C6: variants seen among roughly 807,000 people sequenced by gnomAD.
C6 encodes complement component C6.
Under a neutral mutation model 112.9 loss-of-function variants are expected in C6, and 101 were observed. The ratio of observed to expected loss-of-function variants is 0.89; its 90% CI spans 0.76 to 1.06. The LOEUF (loss-of-function observed/expected upper bound fraction) is 1.06. Ranked by LOEUF, C6 falls within the 50% of genes least tolerant of loss-of-function variation. C6 has a pLI of 0.00. For missense variants in C6, 1,202 were observed against 1,104.6 expected (o/e 1.09, Z -1.25); for synonymous variants, 431 against 384.1 (o/e 1.12, Z -1.43).
intron 17 of C6, among the ~76,000 whole-genome samples, chr5:41,147,114 T>A (rs1228563027): frequency 6.6e-6 from 1 of 152,200 alleles, no homozygotes. Flanking sequence ...ACAATAATGT[T>A]CTTATACTAC....
At chr5:41,232,422 T>A (rs1739962958) in intron 1 of C6, among the ~76,000 whole-genome samples, 1 of 152,112 alleles carries the variant, frequency 6.6e-6, no homozygotes, top group South Asian at 2.1e-4. Context: ...CTTAACCACA[T>A]GGATTTTTCT....
At position 41,180,917 on chromosome 5, in the gene C6, C is replaced by A. The variant is rs190016511; in HGVS notation, c.927+442G>T. ...AAAAAAATGGAGATAGGTAAATGTG[C>A]GTGTGTTTACATAAATGTAGCAAAA... On this transcript the variant is annotated intron_variant, in intron 7 of 17. Transcript: ENST00000337836. Among the ~76,000 whole-genome samples, 392 of 150,244 alleles carry A rather than the reference C, an allele frequency of 2.6e-3. 2 individuals are homozygous for A. Among genetic ancestry groups the A allele is most frequent in the Non-Finnish European group, 9.3e-4 (63 of 67,728 alleles).
At chr5:41,151,261 G>T (rs1364050641) in intron 15 of C6, among the ~76,000 whole-genome samples, 1 of 152,130 alleles carries the variant, frequency 6.6e-6, no homozygotes, top group Admixed American at 6.5e-5. Flanking sequence ...TTGGACCAAG[G>T]TTCCAGAGGT....
intron 1 of C6, among the ~76,000 whole-genome samples, chr5:41,233,132 T>C (rs1740013117): frequency 6.6e-6 from 1 of 152,116 alleles, no homozygotes; most frequent in Non-Finnish European, 1.5e-5. Context: ...TAAAGTTTTG[T>C]TTCTAATATC....
chr5:41,245,047 T>C (rs1740940681), intron 1 of C6, among the ~76,000 whole-genome samples: 2 of 152,236 alleles, frequency 1.3e-5, no homozygotes, highest in South Asian at 4.1e-4. Flanking sequence ...CTGAATTCTA[T>C]TTGTTAACAT....
At chr5:41,260,803 CA>C (rs1236450914) in intron 1 of C6, among the ~76,000 whole-genome samples, 5 of 151,030 alleles carry the variant, frequency 3.3e-5, no homozygotes, top group African/African-American at 1.2e-4. Flanking sequence ...AAAAACAAAC[CA>C]AAAAAACCCC....
upstream of C6, among the ~76,000 whole-genome samples, chr5:41,213,817 C>G (rs1027665578): frequency 3.3e-5 from 5 of 152,026 alleles, 1 homozygote; most frequent in Admixed American, 2.0e-4. Flanking sequence ...TTATTGGTAA[C>G]TATTTAAGAA....
chr5:41,168,746 T>G (rs976697499), intron 9 of C6, among the ~76,000 whole-genome samples: 1 of 152,188 alleles, frequency 6.6e-6, no homozygotes, highest in Non-Finnish European at 1.5e-5. Flanking sequence ...TGCTAACAAA[T>G]GTGTCAACTT....
chr5:41,242,581 C>T (rs1431053432), intron 1 of C6, among the ~76,000 whole-genome samples: 1 of 152,126 alleles, frequency 6.6e-6, no homozygotes, highest in African/African-American at 2.4e-5. Context: ...GTAGTTAGCA[C>T]ACATTATATG....
chr5:41,214,678 T>C (rs1752133070), upstream of C6, among the ~76,000 whole-genome samples: 1 of 152,192 alleles, frequency 6.6e-6, no homozygotes, highest in Non-Finnish European at 1.5e-5. Context: ...TGGACAAGAA[T>C]ATATGTCATT....
At chr5:41,197,255 A>G (rs1356472039) in intron 4 of C6, among the ~76,000 whole-genome samples, 2 of 152,170 alleles carry the variant, frequency 1.3e-5, no homozygotes, top group Non-Finnish European at 2.9e-5. Context: ...GACTATTATT[A>G]TAAAGAATTA....
At chr5:41,246,222 G>C (rs1020260521) in intron 1 of C6, among the ~76,000 whole-genome samples, 6 of 152,054 alleles carry the variant, frequency 3.9e-5, no homozygotes, top group African/African-American at 1.4e-4. Context: ...GTTTCTCTTG[G>C]ATTCCATGCC....
intron 1 of C6, among the ~76,000 whole-genome samples, chr5:41,250,220 G>T (rs572689248): frequency 6.6e-6 from 1 of 152,246 alleles, no homozygotes; most frequent in South Asian, 2.1e-4. Context: ...CTCACCCTAG[G>T]CTTGAGGAGA....
At chr5:41,160,699 C>G (rs1366347653) in intron 10 of C6, among the ~76,000 whole-genome samples, 1 of 152,110 alleles carries the variant, frequency 6.6e-6, no homozygotes, top group Non-Finnish European at 1.5e-5. Flanking sequence ...TTAGGCAACT[C>G]TTTCCTGCTC....
In C6 at chr5:41,187,683, T is replaced by C. The variant is rs1044176223; in HGVS notation, c.588-1475A>G. Among the ~76,000 whole-genome samples the C allele has an allele frequency of 1.2e-4, 13 of 110,078 alleles. No homozygotes were observed. In the Admixed American group the frequency reaches 1.4e-3, roughly 12 times the overall value. The allele number at this position is 110,078 out of a possible 152,430, so 72.2% of individuals were successfully genotyped here. ...CAATAAAATTGTGTTAATGTAAAAG[T>C]ACACAGACACACACATACACACACA... On this transcript the variant is annotated intron_variant, in intron 5 of 17. Transcript: ENST00000337836.
At chr5:41,234,550 G>C (rs975570630) in intron 1 of C6, among the ~76,000 whole-genome samples, 1 of 152,020 alleles carries the variant, frequency 6.6e-6, no homozygotes, top group African/African-American at 2.4e-5. Flanking sequence ...TTAGCACTGA[G>C]TGTAGAAGCT....
intron 8 of C6, among the ~76,000 whole-genome samples, chr5:41,176,056 T>C (rs1383186231): frequency 6.6e-6 from 1 of 152,216 alleles, no homozygotes; most frequent in Non-Finnish European, 1.5e-5. Flanking sequence ...TTTAATTCGT[T>C]ATAAGGTATT....
chr5:41,148,249 A>G (rs1580024453), intron 17 of C6, among the ~76,000 whole-genome samples: 2 of 152,302 alleles, frequency 1.3e-5, no homozygotes, highest in East Asian at 3.9e-4. Context: ...GAATACCCGT[A>G]TAGACTTTTG....
intron 3 of C6, among the ~76,000 whole-genome samples, chr5:41,200,891 G>GTTTTGTTTTTTTTTTTTTTTT (rs1554029750): frequency 9.9e-5 from 7 of 70,670 alleles, no homozygotes; most frequent in Admixed American, 1.7e-4. Flanking sequence ...TGTTGTTGTT[G>GTTTTGTTTTTTTTTTTTTTTT]TTTTTTTTTT....
Sources: gnomAD v4.1 joint callset for allele counts (sites outside exome capture counted in the v4.1 genomes callset) on GRCh38, gnomAD v4.1.1 for gene constraint, MANE v1.5 for transcripts, NCBI Gene and HGNC (gene_info 2026-07-23, HGNC 2026-07-21) for gene names.